Variants in STK32B observed in about 807,000 individuals in gnomAD.
The protein encoded by STK32B is serine/threonine-protein kinase 32B.
A neutral mutation model predicts 52.6 loss-of-function variants in STK32B; 43 were observed. That is an observed-to-expected ratio of 0.82 (90% CI 0.64 to 1.05). STK32B has a LOEUF of 1.05. STK32B is among the 50% of genes least tolerant of loss of function. The pLI, the probability that STK32B is intolerant of heterozygous loss-of-function variation, is 0.00. For missense variants in STK32B, 621 were observed against 534.6 expected (o/e 1.16, Z -1.59); for synonymous variants, 238 against 204.3 (o/e 1.17, Z -1.41).
intron 5 of STK32B, among the ~76,000 whole-genome samples, chr4:5,412,125 G>A (rs551776125): frequency 2.2e-4 from 34 of 152,274 alleles, no homozygotes; most frequent in African/African-American, 8.2e-4. Flanking sequence ...TACAGGATAC[G>A]TAAACAGGCC....
At chr4:5,446,556 CA>C (rs150851938) in intron 6 of STK32B, 116 bp from the exon 7 acceptor site, 175 of 815,166 alleles carry the variant, frequency 2.1e-4, no homozygotes, top group Non-Finnish European at 2.4e-4. Flanking sequence ...AACTCTATCT[CA>C]AAAAAAAACA....
chr4:5,166,939 C>G (rs947454201), intron 2 of STK32B, among the ~76,000 whole-genome samples: 2 of 152,124 alleles, frequency 1.3e-5, no homozygotes, highest in Non-Finnish European at 2.9e-5. Context: ...GGAACCAATA[C>G]AGTCCCTCCT....
intron 3 of STK32B, among the ~76,000 whole-genome samples, chr4:5,318,843 A>T (rs1391732215): frequency 1.3e-5 from 2 of 151,622 alleles, no homozygotes; most frequent in Non-Finnish European, 2.9e-5. Flanking sequence ...TCTGTCGCCC[A>T]CACTGGAGTG....
In STK32B at chr4:5,139,711, T is replaced by A. The variant is rs1249348624; in HGVS notation, c.53-194T>A. ...GAAGGGAAGGCTTCAGATGGACAAT[T>A]TGTGTGCTGGGGAAAAAATGGAATG... is the stretch of plus-strand genomic sequence containing the variant. On this transcript the variant is annotated intron_variant, in intron 1 of 11. Transcript: ENST00000282908. The A allele has an allele frequency of 5.0e-6, 3 of 594,820 alleles. No individual in the cohort carries two copies. The East Asian group carries it at 8.5e-5, about 17-fold the overall frequency. The allele number at this position is 594,820 out of a possible 1,614,324, so 36.8% of individuals were successfully genotyped here. A position where few individuals can be genotyped will look rare whatever the true frequency, so the allele number is the denominator to read the frequency against.
chr4:5,424,270 C>G (rs368503293), intron 6 of STK32B, among the ~76,000 whole-genome samples: 1 of 152,168 alleles, frequency 6.6e-6, no homozygotes, highest in Non-Finnish European at 1.5e-5. Flanking sequence ...GCACAAACAG[C>G]CTGGCCCCCA....
intron 1 of STK32B, among the ~76,000 whole-genome samples, chr4:5,092,710 T>C (rs1713160683): frequency 6.6e-6 from 1 of 152,022 alleles, no homozygotes; most frequent in Admixed American, 6.6e-5. Flanking sequence ...CTACACACTT[T>C]TAAATGACCC....
rs376980356 is a variant in STK32B, at chr4:5,414,373, A to G, written c.473-2472A>G. ...GGAGGAACACCTTGTAATCAAATAC[A>G]TTAATATTTCTACCGCAAAACGTGG... On this transcript the variant is annotated intron_variant, in intron 5 of 11. Transcript: ENST00000282908. Among the ~76,000 whole-genome samples, 766 of 152,050 alleles carry G rather than the reference A, an allele frequency of 5.0e-3. 20 individuals are homozygous for G. In the East Asian group the frequency reaches 0.072, roughly 14 times the overall value.
At chr4:5,098,773 T>C (rs924763689) in intron 1 of STK32B, among the ~76,000 whole-genome samples, 53 of 152,356 alleles carry the variant, frequency 3.5e-4, no homozygotes, top group African/African-American at 1.2e-3. Context: ...AATGCAGTTA[T>C]GTACCCTAGA....
intron 3 of STK32B, among the ~76,000 whole-genome samples, chr4:5,193,169 G>T (rs919017431): frequency 2.0e-5 from 3 of 152,056 alleles, no homozygotes; most frequent in Non-Finnish European, 2.9e-5. Context: ...CTGTCCTCTC[G>T]TGCCTCCTGA....
At chr4:5,462,082 T>A (rs1335304356) in intron 9 of STK32B, among the ~76,000 whole-genome samples, 1 of 152,138 alleles carries the variant, frequency 6.6e-6, no homozygotes, top group Non-Finnish European at 1.5e-5. Context: ...CCTGTGTGGG[T>A]ATGTGTGGAA....
intron 3 of STK32B, among the ~76,000 whole-genome samples, chr4:5,265,955 ATATAT>A (rs1197388554): frequency 4.6e-5 from 7 of 152,176 alleles, no homozygotes; most frequent in African/African-American, 1.7e-4. Flanking sequence ...ATATTTGGTG[ATATAT>A]TAAATTATGA....
At chr4:5,219,581 A>G (rs1723393462) in intron 3 of STK32B, among the ~76,000 whole-genome samples, 1 of 152,242 alleles carries the variant, frequency 6.6e-6, no homozygotes, top group Non-Finnish European at 1.5e-5. Flanking sequence ...GTATCAGGAC[A>G]ATCGGCCCAA....
rs1193880757 is a variant in STK32B, at chr4:5,260,238, A to G, written c.261-70982A>G. On this transcript the variant is annotated intron_variant, in intron 3 of 11. Coordinates refer to ENST00000282908, the MANE Select transcript of STK32B (RefSeq NM_018401.3). Reference sequence around the variant, plus strand: ...AGTTTTCCCAACATTGCAAATTAGCAACACCCTTAACAAATGTCCATTAAT... The same window carrying G: ...AGTTTTCCCAACATTGCAAATTAGCGACACCCTTAACAAATGTCCATTAAT... Among the ~76,000 whole-genome samples the G allele has an allele frequency of 2.0e-5, 3 of 152,166 alleles. No individual in the cohort carries two copies. In the East Asian group the frequency reaches 5.8e-4, roughly 29 times the overall value.
chr4:5,215,548 G>T (rs1389043228), intron 3 of STK32B, among the ~76,000 whole-genome samples: 1 of 152,102 alleles, frequency 6.6e-6, no homozygotes, highest in East Asian at 1.9e-4. Flanking sequence ...GGGCTTCTTT[G>T]TTCTGTCAAA....
At chr4:5,141,873 T>A (rs1348427863) in intron 2 of STK32B, among the ~76,000 whole-genome samples, 1 of 152,116 alleles carries the variant, frequency 6.6e-6, no homozygotes, top group East Asian at 1.9e-4. Flanking sequence ...ATCTAATGGT[T>A]TAGAGGTTGC....
At chr4:5,154,888 G>A (rs1380461623) in intron 2 of STK32B, among the ~76,000 whole-genome samples, 2 of 152,190 alleles carry the variant, frequency 1.3e-5, no homozygotes, top group Admixed American at 6.5e-5. Flanking sequence ...AGCCAGGGAT[G>A]TGCGCAAATC....
At chr4:5,308,790 A>G (rs1730097269) in intron 3 of STK32B, among the ~76,000 whole-genome samples, 1 of 152,168 alleles carries the variant, frequency 6.6e-6, no homozygotes, top group South Asian at 2.1e-4. Flanking sequence ...ATAGTCAACA[A>G]CATACTGAAC....
chr4:5,174,601 CT>C (rs1719675638), intron 3 of STK32B, among the ~76,000 whole-genome samples: 1 of 152,128 alleles, frequency 6.6e-6, no homozygotes, highest in African/African-American at 2.4e-5. Flanking sequence ...GTTGAAAATT[CT>C]TTTATTTAAG....
At chr4:5,253,608 T>A (rs967559687) in intron 3 of STK32B, among the ~76,000 whole-genome samples, 8 of 152,070 alleles carry the variant, frequency 5.3e-5, no homozygotes, top group African/African-American at 1.9e-4. Flanking sequence ...ACTCCTAACC[T>A]CAGGTGATCC....
Sources: gnomAD v4.1 joint callset for allele counts (sites outside exome capture counted in the v4.1 genomes callset) on GRCh38, gnomAD v4.1.1 for gene constraint, MANE v1.5 for transcripts, NCBI Gene and HGNC (gene_info 2026-07-23, HGNC 2026-07-21) for gene names.